Variants in STK3 observed in about 807,000 individuals in gnomAD.
The protein encoded by STK3 is serine/threonine kinase 3.
In STK3, 41 loss-of-function variants were observed where a neutral mutation model predicts 58.0. The observed-to-expected ratio is 0.71, with a 90% CI of 0.55 to 0.92. The LOEUF (loss-of-function observed/expected upper bound fraction) is 0.92. Ranked by LOEUF, STK3 falls within the 40% of genes least tolerant of loss-of-function variation. The pLI is 0.00. For missense variants in STK3, 479 were observed against 602.7 expected (o/e 0.79, Z 2.15); for synonymous variants, 170 against 191.0 (o/e 0.89, Z 0.91).
chr8:98,593,640 G>A (rs1419800981), intron 7 of STK3, among the ~76,000 whole-genome samples: 3 of 152,178 alleles, frequency 2.0e-5, no homozygotes, highest in South Asian at 4.1e-4. Context: ...CAAGTTGCAT[G>A]CTCCTTATGA....
intron 10 of STK3, among the ~76,000 whole-genome samples, chr8:98,463,428 C>T (rs1269046373): frequency 6.6e-6 from 1 of 151,790 alleles, no homozygotes; most frequent in African/African-American, 2.4e-5. Context: ...AACTCAGTTA[C>T]TAGCTCTTGT....
chr8:98,507,554 G>A (rs1824194242), intron 10 of STK3, among the ~76,000 whole-genome samples: 1 of 152,158 alleles, frequency 6.6e-6, no homozygotes, highest in African/African-American at 2.4e-5. Context: ...CAGTCAGTTA[G>A]AGATCAAGTT....
chr8:98,429,316 A>T (rs1414555600), intron 3 of STK3: 1 of 1,614,068 alleles, frequency 6.2e-7, no homozygotes, highest in Admixed American at 1.7e-5. Flanking sequence ...AATTTAAGGG[A>T]CTATTATGCC....
chr8:98,746,041 T>C (rs1375937717), intron 4 of STK3, among the ~76,000 whole-genome samples: 1 of 152,200 alleles, frequency 6.6e-6, no homozygotes, highest in African/African-American at 2.4e-5. Context: ...AAAAATACGA[T>C]ACTATAATCT....
At chr8:98,922,894 A>G (rs1839623305) in intron 1 of STK3, among the ~76,000 whole-genome samples, 1 of 152,142 alleles carries the variant, frequency 6.6e-6, no homozygotes, top group South Asian at 2.1e-4. Context: ...AACTTCCTCT[A>G]TTTCCTCTAT....
intron 9 of STK3, among the ~76,000 whole-genome samples, chr8:98,530,850 AAGG>A (rs1288451291): frequency 6.6e-6 from 1 of 152,248 alleles, no homozygotes; most frequent in African/African-American, 2.4e-5. Context: ...GCATCTTCAC[AAGG>A]AGTAGATTCC....
upstream of STK3, among the ~76,000 whole-genome samples, chr8:98,390,318 G>C (rs1426729775): frequency 6.6e-6 from 1 of 152,128 alleles, no homozygotes; most frequent in Non-Finnish European, 1.5e-5. Context: ...TGGAATGACA[G>C]TTCTTTTCTT....
intron 6 of STK3, among the ~76,000 whole-genome samples, chr8:98,615,187 C>A (rs551209402): frequency 1.3e-4 from 19 of 151,628 alleles, no homozygotes; most frequent in African/African-American, 4.4e-4. Context: ...GGAGGCACCC[C>A]CTAGCAGGGG....
chr8:98,498,218 C>T (rs757957888), intron 10 of STK3, among the ~76,000 whole-genome samples: 1 of 151,754 alleles, frequency 6.6e-6, no homozygotes, highest in Non-Finnish European at 1.5e-5. Flanking sequence ...TGGGCTGAGG[C>T]AGGGGTAGAG....
intron 10 of STK3, among the ~76,000 whole-genome samples, chr8:98,470,769 A>T (rs1020627921): frequency 6.6e-6 from 1 of 152,208 alleles, no homozygotes; most frequent in African/African-American, 2.4e-5. Flanking sequence ...ACCCTTGGTA[A>T]ATCTCTGCTC....
At chr8:98,613,772 A>C (rs1407178132) in intron 6 of STK3, among the ~76,000 whole-genome samples, 4 of 152,170 alleles carry the variant, frequency 2.6e-5, no homozygotes, top group Non-Finnish European at 5.9e-5. Flanking sequence ...AGATTTTAAA[A>C]TGCAACTCAA....
chr8:98,698,192 CT>C (rs920024116), intron 6 of STK3, among the ~76,000 whole-genome samples: 1 of 151,156 alleles, frequency 6.6e-6, no homozygotes, highest in African/African-American at 2.4e-5. Flanking sequence ...CAACCCCTGC[CT>C]TTTTTTGTTT....
upstream of STK3, among the ~76,000 whole-genome samples, chr8:98,827,289 G>A (rs926588478): frequency 3.3e-5 from 5 of 152,068 alleles, no homozygotes; most frequent in African/African-American, 7.2e-5. Context: ...ATCCGAGATC[G>A]CGCCACTGCA....
At chr8:98,510,468 T>TA (rs61396526) in intron 10 of STK3, among the ~76,000 whole-genome samples, 7 of 151,810 alleles carry the variant, frequency 4.6e-5, no homozygotes, top group African/African-American at 1.2e-4. Context: ...GGTTTTTTTT[T>TA]AAAACTGTAA....
intron 4 of STK3, among the ~76,000 whole-genome samples, chr8:98,713,976 A>G (rs1826769764): frequency 6.6e-6 from 1 of 152,244 alleles, no homozygotes; most frequent in African/African-American, 2.4e-5. Flanking sequence ...CTGGTTCAAC[A>G]TACGCAAATG....
At chr8:98,716,404 T>A (rs1232381399) in intron 4 of STK3, among the ~76,000 whole-genome samples, 2 of 151,970 alleles carry the variant, frequency 1.3e-5, no homozygotes, top group Non-Finnish European at 2.9e-5. Context: ...ACAAAAAAAA[T>A]TCTATTTACA....
chr8:98,390,126 A>G (rs1817834434), upstream of STK3, among the ~76,000 whole-genome samples: 1 of 152,146 alleles, frequency 6.6e-6, no homozygotes, highest in African/African-American at 2.4e-5. Flanking sequence ...CTTTTCCTCC[A>G]TTCTCAGTGT....
At chr8:98,783,797 T>G (rs1832275814) in intron 1 of STK3, among the ~76,000 whole-genome samples, 1 of 152,226 alleles carries the variant, frequency 6.6e-6, no homozygotes, top group African/African-American at 2.4e-5. Flanking sequence ...AGATGGCAGA[T>G]TAGAGGCTTT....
intron 1 of STK3, among the ~76,000 whole-genome samples, chr8:98,935,354 A>C (rs1201455412): frequency 6.6e-6 from 1 of 152,230 alleles, no homozygotes; most frequent in African/African-American, 2.4e-5. Flanking sequence ...TTTATGTGGG[A>C]GAAGTCAACT....
Sources: gnomAD v4.1 joint callset for allele counts (sites outside exome capture counted in the v4.1 genomes callset) on GRCh38, gnomAD v4.1.1 for gene constraint, MANE v1.5 for transcripts, NCBI Gene and HGNC (gene_info 2026-07-23, HGNC 2026-07-21) for gene names.